Variants in TNIK observed in about 807,000 individuals in gnomAD.
TNIK encodes TRAF2 and NCK interacting kinase, also known as TRAF2 and NCK-interacting protein kinase.
In TNIK, 49 loss-of-function variants were observed where a neutral mutation model predicts 191.3. The observed-to-expected ratio is 0.26, with a 90% CI of 0.20 to 0.32. The LOEUF (loss-of-function observed/expected upper bound fraction) is 0.32. Among genes scored for constraint, TNIK ranks in the 10% least tolerant of loss-of-function variants. The probability of loss-of-function intolerance (pLI) is 1.00; values close to 1 mark genes in which losing one functional copy is unlikely to be tolerated. For missense variants in TNIK, 1,155 were observed against 1,702.3 expected (o/e 0.68, Z 5.66); for synonymous variants, 594 against 600.9 (o/e 0.99, Z 0.17).
intron 4 of TNIK, among the ~76,000 whole-genome samples, chr3:171,204,765 T>C (rs1348277057): frequency 1.3e-5 from 2 of 152,224 alleles, no homozygotes; most frequent in Admixed American, 1.3e-4. Context: ...TATTTAAACA[T>C]AAATCTTCAA....
chr3:171,365,960 G>T (rs1001064385), intron 2 of TNIK, among the ~76,000 whole-genome samples: 2 of 152,170 alleles, frequency 1.3e-5, no homozygotes, highest in Non-Finnish European at 2.9e-5. Flanking sequence ...TTAGGAGACA[G>T]GAAAAACCAA....
At chr3:171,132,220 C>A (rs766244427) in intron 15 of TNIK, among the ~76,000 whole-genome samples, 8 of 152,182 alleles carry the variant, frequency 5.3e-5, no homozygotes, top group Non-Finnish European at 1.2e-4. Flanking sequence ...TAAATGATTT[C>A]ACAGTAGAAG....
At chr3:171,138,595 C>T (rs1314437335) in intron 14 of TNIK, among the ~76,000 whole-genome samples, 3 of 152,056 alleles carry the variant, frequency 2.0e-5, no homozygotes, top group East Asian at 1.9e-4. Flanking sequence ...TTAATGAAAA[C>T]GCTATTGCTT....
chr3:171,335,583 G>C (rs1444154586), intron 2 of TNIK, among the ~76,000 whole-genome samples: 1 of 152,194 alleles, frequency 6.6e-6, no homozygotes, highest in Non-Finnish European at 1.5e-5. Flanking sequence ...CATTCATGCT[G>C]TTGCATGTAT....
chr3:171,332,473 T>C (rs1333976691), intron 2 of TNIK, among the ~76,000 whole-genome samples: 1 of 152,214 alleles, frequency 6.6e-6, no homozygotes, highest in South Asian at 2.1e-4. Context: ...CAACCTCAGC[T>C]CGCAGTGCCA....
chr3:171,085,260 C>A, intron 24 of TNIK, 31 bp from the exon 25 acceptor site: 3 of 1,552,854 alleles, frequency 1.9e-6, no homozygotes, highest in Non-Finnish European at 2.6e-6. Context: ...TTAAGAAGAG[C>A]AGATAAATAC....
chr3:171,154,432 G>T (rs1274098368), intron 12 of TNIK, among the ~76,000 whole-genome samples: 1 of 152,162 alleles, frequency 6.6e-6, no homozygotes, highest in Non-Finnish European at 1.5e-5. Flanking sequence ...CAGGGAGCAG[G>T]TGCTTCTGGG....
At chr3:171,296,158 C>T (rs1352584045) in intron 2 of TNIK, among the ~76,000 whole-genome samples, 1 of 152,164 alleles carries the variant, frequency 6.6e-6, no homozygotes, top group African/African-American at 2.4e-5. Flanking sequence ...TCATGGACTT[C>T]CAGCCTTCTC....
intron 3 of TNIK, among the ~76,000 whole-genome samples, chr3:171,219,067 A>T (rs1399259025): frequency 1.6e-4 from 21 of 129,304 alleles, no homozygotes; most frequent in Admixed American, 8.7e-5. Context: ...AATATATTAA[A>T]TATATAAATA....
chr3:171,238,104 T>C (rs1355692293), intron 2 of TNIK, among the ~76,000 whole-genome samples: 1 of 152,194 alleles, frequency 6.6e-6, no homozygotes, highest in African/African-American at 2.4e-5. Context: ...TTTGCGATTG[T>C]GATTTCTGAG....
intron 3 of TNIK, among the ~76,000 whole-genome samples, chr3:171,213,632 A>G (rs1741126059): frequency 6.6e-6 from 1 of 152,166 alleles, no homozygotes; most frequent in Non-Finnish European, 1.5e-5. Flanking sequence ...ATCCAAAATA[A>G]ATAGTACTGG....
intron 2 of TNIK, among the ~76,000 whole-genome samples, chr3:171,336,091 GTATC>G (rs1756927238): frequency 6.6e-6 from 1 of 152,008 alleles, no homozygotes; most frequent in African/African-American, 2.4e-5. Context: ...GGTGAACTGA[GTATC>G]TAGTAATGGA....
chr3:171,320,174 CTATTA>C (rs1276604721), intron 2 of TNIK, among the ~76,000 whole-genome samples: 1 of 152,114 alleles, frequency 6.6e-6, no homozygotes, highest in African/African-American at 2.4e-5. Context: ...CCACGTTGGC[CTATTA>C]TATTTCAGCA....
chr3:171,450,482 C>G (rs1204640980), intron 1 of TNIK, among the ~76,000 whole-genome samples: 1 of 152,186 alleles, frequency 6.6e-6, no homozygotes, highest in African/African-American at 2.4e-5. Flanking sequence ...GGACCCAGCA[C>G]TGCATTCGAA....
At chr3:171,367,242 T>C (rs577247805) in intron 2 of TNIK, among the ~76,000 whole-genome samples, 1 of 152,352 alleles carries the variant, frequency 6.6e-6, no homozygotes, top group East Asian at 1.9e-4. Flanking sequence ...TAATGTAATT[T>C]ACTTAGGCTC....
chr3:171,378,900 C>A (rs1164245827), intron 1 of TNIK, among the ~76,000 whole-genome samples: 2 of 152,166 alleles, frequency 1.3e-5, no homozygotes, highest in African/African-American at 4.8e-5. Context: ...CTTTTGACTT[C>A]TAGTTTTTCC....
intron 2 of TNIK, among the ~76,000 whole-genome samples, chr3:171,270,192 A>G (rs1362844610): frequency 6.6e-6 from 1 of 152,160 alleles, no homozygotes; most frequent in African/African-American, 2.4e-5. Context: ...ACAGTTGGGT[A>G]GGTCACTCAC....
chr3:171,237,441 C>T (rs572784981), intron 2 of TNIK, among the ~76,000 whole-genome samples: 38 of 151,024 alleles, frequency 2.5e-4, no homozygotes, highest in African/African-American at 8.5e-4. Flanking sequence ...TGTATCTGAA[C>T]GGGAACACAG....
intron 10 of TNIK, among the ~76,000 whole-genome samples, chr3:171,164,007 T>A (rs1042741567): frequency 5.9e-5 from 9 of 152,220 alleles, no homozygotes; most frequent in African/African-American, 2.2e-4. Flanking sequence ...ACTAAGTCAT[T>A]TGATTAAACT....
Sources: gnomAD v4.1 joint callset for allele counts (sites outside exome capture counted in the v4.1 genomes callset) on GRCh38, gnomAD v4.1.1 for gene constraint, MANE v1.5 for transcripts, NCBI Gene and HGNC (gene_info 2026-07-23, HGNC 2026-07-21) for gene names.